Variants in TOGARAM1 observed in about 807,000 individuals in gnomAD.
TOGARAM1 encodes TOG array regulator of axonemal microtubules 1.
In TOGARAM1, 100 loss-of-function variants were observed where a neutral mutation model predicts 166.6. The observed-to-expected ratio is 0.60, with a 90% CI of 0.51 to 0.71. TOGARAM1 has a LOEUF of 0.71. Ranked by LOEUF, TOGARAM1 falls within the 30% of genes least tolerant of loss-of-function variation. The pLI is 0.00. For synonymous variants in TOGARAM1, 758 were observed against 763.8 expected, an observed-to-expected ratio of 0.99 and a Z score of 0.13; for missense variants, 2,029 against 2,102.7, an observed-to-expected ratio of 0.96 and a Z score of 0.69.
chr14:45,044,341 G>T (rs1015303026), intron 12 of TOGARAM1, among the ~76,000 whole-genome samples: 16 of 152,098 alleles, frequency 1.1e-4, no homozygotes, highest in Admixed American at 4.6e-4. Context: ...AGGAGTTTGA[G>T]ACCAGTCGGC....
chr14:45,016,078 A>G (rs1237605609), intron 7 of TOGARAM1, among the ~76,000 whole-genome samples: 1 of 151,976 alleles, frequency 6.6e-6, no homozygotes, highest in East Asian at 1.9e-4. Flanking sequence ...TTTTTAGTGT[A>G]AAGTTAAAGG....
Position 44,986,823 on chromosome 14 carries a change from G to A in TOGARAM1, c.2047-8923G>A, listed in dbSNP as rs540579063. Among the ~76,000 whole-genome samples, 26 of 150,838 alleles carry A rather than the reference G, an allele frequency of 1.7e-4. 3 individuals are homozygous for A. The highest frequency in any genetic ancestry group is 1.5e-3 in the South Asian group (7 of 4,708). On this transcript the variant is annotated intron_variant, in intron 1 of 19. Transcript: ENST00000361462. ...AGATTGAGAACATCCTGGCTAACAC[G>A]GTGTAACCCCATCTCTACTAAAAAT...
At chr14:45,022,205 G>A (rs1346408256) in intron 7 of TOGARAM1, among the ~76,000 whole-genome samples, 1 of 151,832 alleles carries the variant, frequency 6.6e-6, no homozygotes, top group African/African-American at 2.4e-5. Context: ...GGGGAAGTCC[G>A]CATCTGGGAA....
At chr14:45,025,225 G>C (rs776279286) in intron 7 of TOGARAM1, among the ~76,000 whole-genome samples, 37 of 152,102 alleles carry the variant, frequency 2.4e-4, no homozygotes, top group Non-Finnish European at 4.1e-4. Flanking sequence ...GCTGTGATAA[G>C]TCGCTTGTAT....
chr14:45,060,020 C>A (rs1025343957), intron 16 of TOGARAM1, among the ~76,000 whole-genome samples: 1 of 150,218 alleles, frequency 6.7e-6, no homozygotes, highest in African/African-American at 2.5e-5. Flanking sequence ...TCATGCCATT[C>A]GCCTTTCCCA....
chr14:45,032,119 T>C (rs891766145), intron 10 of TOGARAM1, 104 bp from the exon 11 acceptor site: 14 of 980,106 alleles, frequency 1.4e-5, no homozygotes, highest in Non-Finnish European at 2.1e-5. Flanking sequence ...AAGATCGTAC[T>C]ACTGCACCCT....
chr14:45,015,071 AG>A (rs1880037842), intron 7 of TOGARAM1, among the ~76,000 whole-genome samples: 1 of 152,100 alleles, frequency 6.6e-6, no homozygotes, highest in Non-Finnish European at 1.5e-5. Context: ...TGGGAGGCTG[AG>A]GCAGGTGAAT....
chr14:44,979,717 A>C (rs1326816208), intron 1 of TOGARAM1, among the ~76,000 whole-genome samples: 2 of 152,198 alleles, frequency 1.3e-5, no homozygotes, highest in South Asian at 4.1e-4. Context: ...CCATTTCACT[A>C]TCAAATGATC....
chr14:44,980,246 T>C (rs1028037058), intron 1 of TOGARAM1, among the ~76,000 whole-genome samples: 5 of 152,196 alleles, frequency 3.3e-5, no homozygotes, highest in African/African-American at 1.2e-4. Context: ...TGTCCACATG[T>C]AGGATTGGTT....
Position 44,962,593 on chromosome 14 carries a change from G to C in TOGARAM1, c.172G>C (p.Gly58Arg), listed in dbSNP as rs1306090529. ...CTTCCGTGGAGCTGCGGGGGACCACGGTTCCTGCCCCACTACAACTTCGCC... is the reference window on the plus strand; with the variant it reads ...CTTCCGTGGAGCTGCGGGGGACCACCGTTCCTGCCCCACTACAACTTCGCC... The part of the protein sequence containing the change: ...YYFRGAAGDH[G>R]SCPTTTSPLA... Residue 58 changes from glycine to arginine, a missense_variant, in exon 1 of 20, where the codon GGT becomes CGT. Gly to Arg is a moderately radical substitution (Grantham distance 125, BLOSUM62 -2). Transcript: ENST00000361462. 6.2e-7 allele frequency: 1 copy of C among 1,613,608 alleles called. No homozygotes were observed. Among genetic ancestry groups the C allele is most frequent in the African/African-American group, 1.3e-5 (1 of 74,930 alleles).
At chr14:45,040,050 C>T (rs552805596) in intron 11 of TOGARAM1, among the ~76,000 whole-genome samples, 2 of 152,240 alleles carry the variant, frequency 1.3e-5, no homozygotes, top group African/African-American at 4.8e-5. Flanking sequence ...ATATATTTAC[C>T]AAGAAAGACC....
At chr14:45,056,309 TATC>T (rs1882636291) in intron 16 of TOGARAM1, among the ~76,000 whole-genome samples, 1 of 152,178 alleles carries the variant, frequency 6.6e-6, no homozygotes, top group Non-Finnish European at 1.5e-5. Flanking sequence ...TATAAGATCA[TATC>T]ATCAGCAAAC....
At chr14:45,018,257 T>C (rs1230449551) in intron 7 of TOGARAM1, among the ~76,000 whole-genome samples, 1 of 152,168 alleles carries the variant, frequency 6.6e-6, no homozygotes, top group Non-Finnish European at 1.5e-5. Flanking sequence ...TTTTTTTCTT[T>C]TTTGAAACAG....
intron 11 of TOGARAM1, among the ~76,000 whole-genome samples, chr14:45,032,626 C>T (rs976480857): frequency 6.6e-6 from 1 of 151,970 alleles, no homozygotes; most frequent in African/African-American, 2.4e-5. Flanking sequence ...TTATGTAAAC[C>T]CTTTGATAAT....
At chr14:45,006,360 A>G (rs919343287) in intron 5 of TOGARAM1, 93 bp downstream of exon 5, 11 of 840,086 alleles carry the variant, frequency 1.3e-5, no homozygotes, top group Non-Finnish European at 1.6e-5. Context: ...TTTTTATCCT[A>G]TAATATCTTA....
In TOGARAM1 at chr14:44,964,393, A is replaced by C; in HGVS notation, c.1972A>C (p.Lys658Gln). 1 of 1,613,254 alleles carries C rather than the reference A, an allele frequency of 6.2e-7. No homozygotes were observed. The highest frequency in any genetic ancestry group is 8.5e-7 in the Non-Finnish European group (1 of 1,179,580). ...RVLSAGKGKN[K>Q]LPWENEQPGI... is the part of the protein sequence containing the mutation. ...ATTAAGTGCAGGAAAAGGAAAAAAT[A>C]AATTACCATGGGAAAATGAGCAACC... Residue 658 changes from lysine (K) to glutamine (Q), a missense_variant, in exon 1 of 20, where the codon AAA (lysine) becomes CAA (glutamine). Coordinates refer to ENST00000361462, the MANE Select transcript of TOGARAM1 (RefSeq NM_001308120.2).
intron 1 of TOGARAM1, among the ~76,000 whole-genome samples, chr14:44,979,378 T>C (rs977180757): frequency 6.6e-6 from 1 of 152,108 alleles, no homozygotes; most frequent in Non-Finnish European, 1.5e-5. Context: ...TCTTGCTGTG[T>C]CCTTATGGGG....
intron 1 of TOGARAM1, among the ~76,000 whole-genome samples, chr14:44,987,578 T>C (rs1207665583): frequency 1.3e-5 from 2 of 151,458 alleles, no homozygotes; most frequent in Non-Finnish European, 2.9e-5. Context: ...CCAGTTAGAA[T>C]GGCAATCATT....
intron 9 of TOGARAM1, 85 bp from the exon 10 acceptor site, chr14:45,028,091 C>T: frequency 8.4e-7 from 1 of 1,194,586 alleles, no homozygotes; most frequent in Non-Finnish European, 1.2e-6. Flanking sequence ...CTAATATCCT[C>T]AGACACAAAT....
Sources: allele counts gnomAD v4.1 joint callset (sites outside exome capture counted in the v4.1 genomes callset), GRCh38; gene constraint gnomAD v4.1.1; transcripts MANE v1.5; gene names NCBI Gene and HGNC (gene_info 2026-07-23, HGNC 2026-07-21).